RPL7: variants seen among roughly 807,000 people sequenced by gnomAD.
RPL7 encodes the protein ribosomal protein L7.
For synonymous variants in RPL7, 100 were observed against 102.2 expected, an observed-to-expected ratio of 0.98 and a Z score of 0.13; for missense variants, 205 against 301.9, an observed-to-expected ratio of 0.68 and a Z score of 2.38.
At chr8:73,293,295 C>T (rs1314471690) in intron 1 of RPL7, 2 of 423,868 alleles carry the variant, frequency 4.7e-6, no homozygotes, top group African/African-American at 2.0e-5. Flanking sequence ...AGGACGAACA[C>T]AATTCAGAGG....
At position 73,291,814 on chromosome 8, in the gene RPL7, C is replaced by T. The variant is rs148491384; in HGVS notation, c.387G>A (p.Ser129=). The change falls in exon 4 of 7, where the codon TCG becomes TCA. Residue 129 remains serine, a synonymous_variant. Transcript: ENST00000352983. ...GCTCTACAATCCTCAGCATGTTAAT[C>T]GAAGCCTTGTTGAGCTTCACAAAGG... The part of the protein sequence containing the change: ...NGTFVKLNKA[S]INMLRIVEPY... The T allele has an allele frequency of 1.9e-6, 3 of 1,611,518 alleles. No individual in the cohort carries two copies. The highest frequency in any genetic ancestry group is 2.2e-5 in the East Asian group (1 of 44,776).
intron 1 of RPL7, 186 bp from the exon 2 acceptor site, chr8:73,292,983 C>A (rs1012889310): frequency 2.2e-6 from 1 of 446,132 alleles, no homozygotes; most frequent in African/African-American, 2.0e-5. Context: ...ACCTTTAACA[C>A]CATGTTGCCT....
chr8:73,293,067 C>A, intron 1 of RPL7: 2 of 325,000 alleles, frequency 6.2e-6, no homozygotes, highest in Non-Finnish European at 5.5e-6. Flanking sequence ...CCTCCGACGA[C>A]TAATTAAAAA....
chr8:73,293,499 G>C (rs1006441112), intron 1 of RPL7, 100 bp downstream of exon 1: 36 of 1,442,366 alleles, frequency 2.5e-5, no homozygotes, highest in Admixed American at 1.3e-4. Context: ...AGGGAGGTGG[G>C]CAAAGGTGCA....
Position 73,292,400 on chromosome 8 carries a change from T to A in RPL7, c.129A>T (p.Arg43=). The part of the protein sequence containing the change: ...LRKKFAQKML[R]KARRKLIYEK... ...CATAGATAAGCTTCCTCCTTGCCTT[T>A]CGAAGCTGAAAACCAATAATCAGTT... The change falls in exon 3 of 7, where the codon CGA becomes CGT. Residue 43 remains arginine (R), a synonymous_variant. Coordinates refer to ENST00000352983, the MANE Select transcript of RPL7 (RefSeq NM_000971.4). 2 of 1,594,634 alleles carry A rather than the reference T, an allele frequency of 1.3e-6. No individual in the cohort carries two copies. The highest frequency in any genetic ancestry group is 2.2e-5 in the South Asian group (2 of 89,458).
rs1563542540 is a variant in RPL7 at position 73,290,356 on chromosome 8, C to T, written c.*351G>A. 1 of 152,148 alleles carries T rather than the reference C, an allele frequency of 6.6e-6. No homozygotes were observed. The highest frequency in any genetic ancestry group is 1.5e-5 in the Non-Finnish European group (1 of 68,016). The allele number at this position is 152,148 out of a possible 1,614,324, so 9.4% of individuals were successfully genotyped here. A position where few individuals can be genotyped will look rare whatever the true frequency, so the allele number is the denominator to read the frequency against. On this transcript the variant is annotated 3_prime_UTR_variant, in exon 7 of 7. Transcript: ENST00000352983. The stretch of plus-strand genomic sequence containing the variant: ...TTTTCCATAAACCAAAGTTGGATTA[C>T]CTTACCGACAAATCATGTACAAATG...
intron 6 of RPL7, 148 bp downstream of exon 6, chr8:73,290,895 T>A (rs1814080368): frequency 1.5e-6 from 1 of 650,714 alleles, no homozygotes; most frequent in Non-Finnish European, 2.7e-6. Flanking sequence ...AAACCAACTG[T>A]AATCATTAAG....
rs758220252 is a variant in RPL7, at chr8:73,291,560, C to T, written c.530G>A (p.Arg177Gln). The T allele has an allele frequency of 2.5e-5, 39 of 1,591,312 alleles. No individual in the cohort carries two copies. Among genetic ancestry groups the T allele is most frequent in the Non-Finnish European group, 3.2e-5 (37 of 1,163,346 alleles). Reference protein sequence around the residue: ...IALTDNALIARSLGKYGIICM... With the variant: ...IALTDNALIAQSLGKYGIICM... ...CCCCAAATAGAACCTACCAAGAGAT[C>T]GAGCAATCAAAGCGTTATCTGTCAA... Residue 177 changes from arginine (R) to glutamine (Q), a missense_variant, in exon 5 of 7, where the codon CGA becomes CAA. By Grantham distance (43) the Arg-to-Gln change is conservative (BLOSUM62 1). Coordinates refer to ENST00000352983, the MANE Select transcript of RPL7 (RefSeq NM_000971.4).
At chr8:73,292,053 A>G in intron 3 of RPL7, 143 bp from the exon 4 acceptor site, 1 of 1,262,436 alleles carries the variant, frequency 7.9e-7, no homozygotes, top group Non-Finnish European at 1.1e-6. Context: ...TATTCTATTA[A>G]GAGAAGGGAT....
chr8:73,293,636 G>T (rs752800101), upstream of RPL7: 2 of 1,613,498 alleles, frequency 1.2e-6, no homozygotes, highest in Non-Finnish European at 1.7e-6. Context: ...AAAAGAGGAA[G>T]TTGGCGCATG....
upstream of RPL7, chr8:73,293,669 C>A (rs756104658): frequency 5.6e-6 from 9 of 1,606,490 alleles, no homozygotes; most frequent in African/African-American, 8.0e-5. Flanking sequence ...TTAAAGACTT[C>A]GCGAGAGAAG....
upstream of RPL7, chr8:73,293,944 G>C (rs951466448): frequency 2.1e-5 from 6 of 286,382 alleles, no homozygotes; most frequent in South Asian, 2.1e-4. Context: ...TTCCCAGGAC[G>C]AGCCTCATGG....
intron 1 of RPL7, chr8:73,293,208 C>T (rs984543764): frequency 2.1e-5 from 5 of 234,504 alleles, no homozygotes; most frequent in Non-Finnish European, 4.1e-5. Flanking sequence ...CAAGCCACCA[C>T]CACTCTGGTT....
intron 3 of RPL7, 106 bp downstream of exon 3, chr8:73,292,133 T>C: frequency 1.6e-6 from 2 of 1,239,036 alleles, no homozygotes; most frequent in Non-Finnish European, 2.3e-6. Flanking sequence ...TAGCTTCCCC[T>C]AAAATATTGT....
chr8:73,293,012 T>C (rs963451650), intron 1 of RPL7: 1 of 414,750 alleles, frequency 2.4e-6, no homozygotes, highest in Non-Finnish European at 4.3e-6. Flanking sequence ...ATCACAAATA[T>C]GACAATAGCA....
chr8:73,291,358 T>TAAACAAG (rs1260014996), intron 5 of RPL7, 106 bp from the exon 6 acceptor site: 28 of 941,542 alleles, frequency 3.0e-5, no homozygotes, highest in Non-Finnish European at 4.5e-5. Context: ...TAACCAGGAA[T>TAAACAAG]AAACAAGGTA....
intron 6 of RPL7, 159 bp from the exon 7 acceptor site, chr8:73,290,864 A>T (rs1814079799): frequency 1.7e-6 from 1 of 593,456 alleles, no homozygotes; most frequent in South Asian, 2.3e-5. Context: ...TCCTCCAGAA[A>T]GGTCCTCAAA....
chr8:73,293,020 G>A, intron 1 of RPL7: 1 of 400,526 alleles, frequency 2.5e-6, no homozygotes, highest in South Asian at 8.7e-5. Flanking sequence ...TATGACAATA[G>A]CAATACGTTT....
upstream of RPL7, chr8:73,293,996 C>G (rs1814184399): frequency 5.4e-6 from 1 of 185,514 alleles, no homozygotes; most frequent in African/African-American, 2.4e-5. Flanking sequence ...CTTCGCCCGC[C>G]CGGCGGGAGG....
Sources: allele counts gnomAD v4.1 joint callset, GRCh38; gene constraint gnomAD v4.1.1; transcripts MANE v1.5; gene names NCBI Gene and HGNC (gene_info 2026-07-23, HGNC 2026-07-21).